The following CFAP44 variants were observed in gnomAD, a reference collection of about 807,000 sequenced individuals.
The protein encoded by CFAP44 is cilia and flagella associated protein 44.
CFAP44 carries 134 observed loss-of-function variants against 216.2 expected under a neutral mutation model. That is an observed-to-expected ratio of 0.62 (90% CI 0.54 to 0.72). The LOEUF (loss-of-function observed/expected upper bound fraction) is 0.72. Ranked by LOEUF, CFAP44 falls within the 30% of genes least tolerant of loss-of-function variation. The pLI is 0.00. For synonymous variants in CFAP44, 700 were observed against 727.6 expected (o/e 0.96, Z 0.61); for missense variants, 2,035 against 2,182.1 (o/e 0.93, Z 1.34).
At chr3:113,440,723 C>T (rs1315398393) in intron 1 of CFAP44, among the ~76,000 whole-genome samples, 4 of 152,202 alleles carry the variant, frequency 2.6e-5, no homozygotes, top group Admixed American at 6.5e-5. Flanking sequence ...TGGCTCATCA[C>T]TGCTATCAAA....
intron 18 of CFAP44, 151 bp from the exon 19 acceptor site, chr3:113,366,460 A>G: frequency 1.2e-6 from 1 of 839,238 alleles, no homozygotes; most frequent in Non-Finnish European, 1.8e-6. Flanking sequence ...CCTAACCCCT[A>G]ATACTTCAGA....
chr3:113,415,458 G>A (rs1447348182), intron 6 of CFAP44, among the ~76,000 whole-genome samples: 1 of 152,066 alleles, frequency 6.6e-6, no homozygotes, highest in African/African-American at 2.4e-5. Flanking sequence ...TGATGTTAGG[G>A]TGTCAATCTG....
At position 113,396,632 on chromosome 3, in the gene CFAP44, C is replaced by T. The variant is rs758887887; in HGVS notation, c.1665G>A (p.Ala555=). The T allele has an allele frequency of 8.7e-6, 14 of 1,613,902 alleles. No homozygotes were observed. Among genetic ancestry groups the T allele is most frequent in the African/African-American group, 6.7e-5 (5 of 74,898 alleles). ...CAGCATCCAAAATTTTCTTCCGTCC[C>T]GCAAAAATCGTGAGCCCTTTTGGAT... The part of the protein sequence containing the change: ...LYDPKGLTIF[A]GRKKILDADI... Residue 555 remains alanine (A), a synonymous_variant, in exon 14 of 35, where the codon GCG becomes GCA. Transcript: ENST00000393845.
intron 18 of CFAP44, among the ~76,000 whole-genome samples, chr3:113,372,886 T>C (rs79045378): frequency 0.083 from 12,606 of 152,204 alleles, 638 homozygotes; most frequent in East Asian, 0.15. Flanking sequence ...CTTGGAACTC[T>C]AGCCTCCAGA....
intron 24 of CFAP44, among the ~76,000 whole-genome samples, chr3:113,335,837 G>A (rs573889679): frequency 2.0e-5 from 3 of 152,204 alleles, no homozygotes; most frequent in African/African-American, 7.2e-5. Flanking sequence ...GTATATGCGT[G>A]GCCATAACAC....
At chr3:113,327,870 T>C in intron 26 of CFAP44, 51 bp from the exon 27 acceptor site, 1 of 1,480,298 alleles carries the variant, frequency 6.8e-7, no homozygotes. Flanking sequence ...GATAAATGCA[T>C]TTTTAAACTA....
chr3:113,395,701 C>A (rs376940664), intron 15 of CFAP44, 49 bp downstream of exon 15: 23 of 1,482,734 alleles, frequency 1.6e-5, no homozygotes, highest in Admixed American at 3.8e-5. Flanking sequence ...GATAGTTTCA[C>A]TATGTAGTAA....
intron 25 of CFAP44, among the ~76,000 whole-genome samples, chr3:113,332,564 C>T (rs911864677): frequency 2.0e-5 from 3 of 152,140 alleles, no homozygotes; most frequent in Admixed American, 6.5e-5. Context: ...TACGATGTAT[C>T]GAGTTCTCCT....
chr3:113,309,185 T>C (rs1447350070), intron 28 of CFAP44, among the ~76,000 whole-genome samples: 1 of 152,224 alleles, frequency 6.6e-6, no homozygotes, highest in African/African-American at 2.4e-5. Context: ...CAAGTTAATT[T>C]AGAAAAAATT....
intron 28 of CFAP44, among the ~76,000 whole-genome samples, chr3:113,310,730 A>C (rs1950029564): frequency 6.6e-6 from 1 of 152,124 alleles, no homozygotes; most frequent in Non-Finnish European, 1.5e-5. Flanking sequence ...AATCCCTCGA[A>C]TAGTTTAGCA....
chr3:113,313,538 G>GC (rs1950059731), intron 28 of CFAP44, among the ~76,000 whole-genome samples: 1 of 152,112 alleles, frequency 6.6e-6, no homozygotes, highest in Non-Finnish European at 1.5e-5. Flanking sequence ...ATTTGGAGGG[G>GC]CAAGGGGGCG....
chr3:113,299,987 C>T (rs546876451), intron 32 of CFAP44, among the ~76,000 whole-genome samples: 26 of 152,282 alleles, frequency 1.7e-4, no homozygotes, highest in South Asian at 6.2e-4. Context: ...GCCATGATTG[C>T]GCTACTGCAC....
chr3:113,296,780 T>G lies in CFAP44; in HGVS notation c.5183A>C (p.Lys1728Thr), dbSNP rs1171392188. 2.6e-6 allele frequency: 4 copies of G among 1,537,694 alleles called. No homozygotes were observed. The highest frequency in any genetic ancestry group is 1.7e-6 in the Non-Finnish European group (2 of 1,147,040). ...LSVNTTLEEL[K>T]IRKLRKELAN... ...TAGCTCCTTTCGAAGTTTTCTGATC[T>G]TCAGTTCTTCAAGTGTTGTATTAAC... is the stretch of plus-strand genomic sequence containing the variant. Residue 1728 changes from lysine to threonine, a missense_variant, in exon 33 of 35, where the codon AAG becomes ACG. Physicochemically the swap from Lys to Thr is moderately conservative, Grantham distance 78. Transcript: ENST00000393845.
chr3:113,396,012 G>T, intron 14 of CFAP44, 152 bp from the exon 15 acceptor site: 2 of 587,258 alleles, frequency 3.4e-6, no homozygotes, highest in Non-Finnish European at 2.8e-6. Context: ...TCTAAAACTT[G>T]CTCAATTTTC....
chr3:113,332,801 C>T (rs1293595052), intron 25 of CFAP44, among the ~76,000 whole-genome samples: 1 of 151,810 alleles, frequency 6.6e-6, no homozygotes, highest in Non-Finnish European at 1.5e-5. Flanking sequence ...GGAAGTCCTA[C>T]AAAAAAAGGT....
intron 7 of CFAP44, 39 bp from the exon 8 acceptor site, chr3:113,407,080 T>A (rs1348096559): frequency 1.4e-6 from 2 of 1,412,622 alleles, no homozygotes; most frequent in African/African-American, 2.8e-5. Flanking sequence ...CTCAAAGATA[T>A]TTTATTGATT....
intron 7 of CFAP44, among the ~76,000 whole-genome samples, chr3:113,407,863 CTGA>C (rs1293885159): frequency 1.3e-5 from 2 of 152,178 alleles, no homozygotes; most frequent in Non-Finnish European, 2.9e-5. Flanking sequence ...GGTAGGTCCC[CTGA>C]TGATATGCTT....
At chr3:113,342,897 T>C (rs1950346513) in intron 23 of CFAP44, among the ~76,000 whole-genome samples, 4 of 151,502 alleles carry the variant, frequency 2.6e-5, no homozygotes, top group Admixed American at 1.3e-4. Flanking sequence ...AGTACCAGAA[T>C]TGCTTGAACC....
chr3:113,433,480 C>T, intron 2 of CFAP44, 85 bp downstream of exon 2: 1 of 347,830 alleles, frequency 2.9e-6, no homozygotes. Flanking sequence ...ACATCCTGCT[C>T]TTTCCATTCT....
Sources: gnomAD v4.1 joint callset for allele counts (sites outside exome capture counted in the v4.1 genomes callset) on GRCh38, gnomAD v4.1.1 for gene constraint, MANE v1.5 for transcripts, NCBI Gene and HGNC (gene_info 2026-07-23, HGNC 2026-07-21) for gene names.